CP: variants seen among roughly 807,000 people sequenced by gnomAD.
The protein encoded by CP is caeruloplasmin.
CP carries 64 observed loss-of-function variants against 122.4 expected under a neutral mutation model. That is an observed-to-expected ratio of 0.52 (90% CI 0.43 to 0.64). CP has a LOEUF of 0.64. Among genes scored for constraint, CP ranks in the 30% least tolerant of loss-of-function variants. The pLI is 0.00. For synonymous variants in CP, 440 were observed against 436.4 expected, an observed-to-expected ratio of 1.01 and a Z score of -0.10; for missense variants, 1,167 against 1,284.4, an observed-to-expected ratio of 0.91 and a Z score of 1.40.
At chr3:149,212,359 C>T in intron 2 of CP, 92 bp downstream of exon 2, 1 of 1,407,500 alleles carries the variant, frequency 7.1e-7, no homozygotes, top group East Asian at 2.3e-5. Flanking sequence ...AGTTATATGT[C>T]TTATCCAGGA....
Position 149,207,573 on chromosome 3 carries a change from A to C in CP, c.826T>G (p.Cys276Gly). The change falls in exon 5 of 19, where the codon TGT becomes GGT. Residue 276 changes from cysteine to glycine, a missense_variant. This residue lies in a region of CP where 642 missense variants were observed against 627.3 expected (regional missense o/e 1.02). Transcript: ENST00000264613. Reference sequence around the variant, plus strand: ...TACCATTTTACTCTGTCTTCAGCACACATGGAGAGTCCTGGGAGACTTCCA... The same window carrying C: ...TACCATTTTACTCTGTCTTCAGCACCCATGGAGAGTCCTGGGAGACTTCCA... ...TFGSLPGLSM[C>G]AEDRVKWYLF... 6.2e-7 allele frequency: 1 copy of C among 1,614,008 alleles called. No individual in the cohort carries two copies. The highest frequency in any genetic ancestry group is 8.5e-7 in the Non-Finnish European group (1 of 1,179,840).
intron 14 of CP, 155 bp from the exon 15 acceptor site, chr3:149,179,817 C>CAA (rs1365990286): frequency 1.6e-6 from 1 of 619,370 alleles, no homozygotes. Flanking sequence ...TTGTGGTACT[C>CAA]AAGATTGTTT....
Position 149,202,224 on chromosome 3 carries a change from A to G in CP, c.1226T>C (p.Phe409Ser), listed in dbSNP as rs1165290800. ...TAPGSDSAVF[F>S]EQGTTRIGGS... ...TCCAATTCTTGTGGTACCTTGTTCA[A>G]AAAACACCGCTGAGTCACTGCAGGG... The change falls in exon 7 of 19, where the codon TTT becomes TCT. Residue 409 changes from phenylalanine to serine, a missense_variant. Phe to Ser is a radical substitution (Grantham distance 155). Around this residue, in one of 2 missense-constraint regions of CP, gnomAD observed 642 missense variants for 627.3 expected, o/e 1.02. Transcript: ENST00000264613. 1 of 1,614,192 alleles carries G rather than the reference A, an allele frequency of 6.2e-7. No individual in the cohort carries two copies. Among genetic ancestry groups the G allele is most frequent in the Non-Finnish European group, 8.5e-7 (1 of 1,180,024 alleles).
intron 9 of CP, among the ~76,000 whole-genome samples, chr3:149,197,276 A>G (rs934998748): frequency 6.6e-6 from 1 of 152,216 alleles, no homozygotes; most frequent in Non-Finnish European, 1.5e-5. Flanking sequence ...TACTCTTTCT[A>G]TATACTGTGT....
chr3:149,174,860 A>G (rs2108206770), intron 18 of CP, among the ~76,000 whole-genome samples: 1 of 152,222 alleles, frequency 6.6e-6, no homozygotes, highest in South Asian at 2.1e-4. Context: ...TCTCTTTGCA[A>G]AAGTCAAATT....
intron 9 of CP, among the ~76,000 whole-genome samples, chr3:149,193,778 G>T (rs541320342): frequency 6.6e-6 from 1 of 152,030 alleles, no homozygotes; most frequent in South Asian, 2.1e-4. Flanking sequence ...CAAAAAGAAA[G>T]AATGCAACCC....
chr3:149,200,012 A>C, intron 7 of CP, 148 bp from the exon 8 acceptor site: 1 of 790,440 alleles, frequency 1.3e-6, no homozygotes, highest in South Asian at 1.5e-5. Flanking sequence ...GGTTTTTGAG[A>C]AGTCCATAAT....
chr3:149,210,475 A>T, intron 2 of CP, 96 bp from the exon 3 acceptor site: 1 of 1,059,546 alleles, frequency 9.4e-7, no homozygotes, highest in Non-Finnish European at 1.5e-6. Flanking sequence ...AACATTTATT[A>T]AACATCTACT....
intron 11 of CP, among the ~76,000 whole-genome samples, chr3:149,185,821 T>C (rs1331323356): frequency 6.6e-6 from 1 of 152,214 alleles, no homozygotes; most frequent in East Asian, 1.9e-4. Context: ...TTGACATATA[T>C]GTATTAATAT....
chr3:149,176,667 C>T (rs1010945108), intron 17 of CP: 7 of 427,446 alleles, frequency 1.6e-5, no homozygotes, highest in Non-Finnish European at 3.0e-5. Context: ...ACCTACAAAC[C>T]TCCTGTACCT....
chr3:149,188,748 A>T (rs1246554963), intron 9 of CP, among the ~76,000 whole-genome samples: 1 of 149,742 alleles, frequency 6.7e-6, no homozygotes, highest in African/African-American at 2.4e-5. Flanking sequence ...TGGAAAAAAC[A>T]AAAAAAAAGG....
intron 7 of CP, among the ~76,000 whole-genome samples, chr3:149,201,342 C>T (rs1160056964): frequency 6.6e-6 from 1 of 151,820 alleles, no homozygotes; most frequent in South Asian, 2.1e-4. Context: ...AGGATGGTCT[C>T]GATCTCCTGA....
At chr3:149,217,388 C>A (rs755194610) in intron 1 of CP, among the ~76,000 whole-genome samples, 1 of 152,112 alleles carries the variant, frequency 6.6e-6, no homozygotes, top group East Asian at 1.9e-4. Context: ...TGGGTTCCTA[C>A]GTAAGCAAAC....
chr3:149,176,433 A>C (rs926778912), intron 17 of CP, 21 bp from the exon 18 acceptor site: 2 of 1,547,770 alleles, frequency 1.3e-6, no homozygotes, highest in Non-Finnish European at 1.8e-6. Flanking sequence ...AAAATGACAA[A>C]TAATGTATAA....
At chr3:149,215,377 ACT>A (rs1728401738) in intron 1 of CP, among the ~76,000 whole-genome samples, 1 of 152,254 alleles carries the variant, frequency 6.6e-6, no homozygotes, top group African/African-American at 2.4e-5. Context: ...AGGCTTTGTA[ACT>A]AATTTTTCTA....
intron 4 of CP, among the ~76,000 whole-genome samples, chr3:149,166,872 T>C (rs1724477093): frequency 6.6e-6 from 1 of 152,238 alleles, no homozygotes; most frequent in Middle Eastern, 3.2e-3. Context: ...TATATTATAC[T>C]TAGATTTATT....
At chr3:149,212,873 AT>A (rs1319983137) in intron 1 of CP, among the ~76,000 whole-genome samples, 175 bp from the exon 2 acceptor site, 1 of 152,206 alleles carries the variant, frequency 6.6e-6, no homozygotes, top group Non-Finnish European at 1.5e-5. Flanking sequence ...TAGCCCTGTT[AT>A]TTTAATGATG....
In CP at chr3:149,199,599, T is replaced by C. The variant is rs967326872; in HGVS notation, c.1501+113A>G. The C allele has an allele frequency of 7.4e-6, 9 of 1,221,954 alleles. No individual in the cohort carries two copies. In the Admixed American group the frequency reaches 8.4e-5, roughly 11 times the overall value. 75.7% of individuals were successfully genotyped at this position (1,221,954 alleles called of 1,614,324 possible). On this transcript the variant is annotated intron_variant, in intron 8 of 18. Coordinates refer to ENST00000264613, the MANE Select transcript of CP (RefSeq NM_000096.4). ...CCTGGCATGATGCCTAGAAATGATATATGAGCGGTTTCCTTGGGAGTTCCT... is the reference window on the plus strand; with the variant it reads ...CCTGGCATGATGCCTAGAAATGATACATGAGCGGTTTCCTTGGGAGTTCCT...
chr3:149,199,782 C>T lies in CP; in HGVS notation c.1431G>A (p.Pro477=), dbSNP rs763429281. 1.5e-5 allele frequency: 24 copies of T among 1,614,130 alleles called. No homozygotes were observed. Among genetic ancestry groups the T allele is most frequent in the East Asian group, 6.7e-5 (3 of 44,878 alleles). ...NKGAYPLSIE[P]IGVRFNKNNE... ...TGTTCTTATTGAATCTCACCCCAAT[C>T]GGCTCAATACTGAGGGGATATGCTC... The change falls in exon 8 of 19, where the codon CCG becomes CCA. Residue 477 remains proline, a synonymous_variant. Transcript: ENST00000264613.
Sources: gnomAD v4.1 joint callset for allele counts (sites outside exome capture counted in the v4.1 genomes callset) on GRCh38, gnomAD v4.1.1 for gene constraint, gnomAD v4.1.1 regional missense constraint, MANE v1.5 for transcripts, NCBI Gene and HGNC (gene_info 2026-07-23, HGNC 2026-07-21) for gene names.